The following KDM2A variants were observed in gnomAD, a reference collection of about 807,000 sequenced individuals.
KDM2A encodes lysine demethylase 2A.
A neutral mutation model predicts 137.3 loss-of-function variants in KDM2A; 3 were observed. The ratio of observed to expected loss-of-function variants is 0.02; its 90% CI spans 0.01 to 0.06. The LOEUF is 0.06. Among genes scored for constraint, KDM2A ranks in the 10% least tolerant of loss-of-function variants. KDM2A has a pLI of 1.00. For missense variants in KDM2A, 738 were observed against 1,510.6 expected (o/e 0.49, Z 8.48); for synonymous variants, 512 against 541.5 (o/e 0.95, Z 0.76).
At chr11:67,253,431 T>G (rs776684691) in intron 18 of KDM2A, 22 bp from the exon 19 acceptor site, 1 of 1,607,590 alleles carries the variant, frequency 6.2e-7, no homozygotes, top group African/African-American at 1.3e-5. Context: ...TATTATTACA[T>G]GTCTCATTCC....
At chr11:67,230,815 T>C (rs1285284850) in intron 11 of KDM2A, among the ~76,000 whole-genome samples, 2 of 152,184 alleles carry the variant, frequency 1.3e-5, no homozygotes, top group Non-Finnish European at 2.9e-5. Context: ...TGGTGAACAT[T>C]TATCACTGTG....
At chr11:67,192,268 A>G (rs1288105804) in intron 5 of KDM2A, among the ~76,000 whole-genome samples, 7 of 152,170 alleles carry the variant, frequency 4.6e-5, no homozygotes, top group Non-Finnish European at 4.4e-5. Flanking sequence ...ATTGCTTTGC[A>G]TGTTTTTAAA....
At chr11:67,240,888 A>C (rs1177923248) in intron 12 of KDM2A, among the ~76,000 whole-genome samples, 1 of 152,190 alleles carries the variant, frequency 6.6e-6, no homozygotes, top group African/African-American at 2.4e-5. Context: ...CACATACCCC[A>C]GTAACTGAGT....
intron 8 of KDM2A, among the ~76,000 whole-genome samples, chr11:67,216,877 G>A (rs868176131): frequency 2.0e-5 from 3 of 151,696 alleles, no homozygotes; most frequent in Non-Finnish European, 2.9e-5. Context: ...CTGAGATCGC[G>A]CCATTGCACT....
intron 2 of KDM2A, among the ~76,000 whole-genome samples, chr11:67,173,549 G>A (rs1325636984): frequency 6.6e-6 from 1 of 151,808 alleles, no homozygotes; most frequent in Non-Finnish European, 1.5e-5. Context: ...GAGCCACCAT[G>A]CCCAGCCAGT....
At chr11:67,141,149 C>T (rs1856089386) in intron 2 of KDM2A, among the ~76,000 whole-genome samples, 2 of 152,186 alleles carry the variant, frequency 1.3e-5, no homozygotes, top group African/African-American at 4.8e-5. Flanking sequence ...TTTTGGGGAA[C>T]ACAAGCATCT....
intron 2 of KDM2A, among the ~76,000 whole-genome samples, chr11:67,128,055 C>A (rs1384082337): frequency 1.4e-5 from 2 of 143,650 alleles, no homozygotes; most frequent in Non-Finnish European, 3.0e-5. Context: ...TGCTCTGTTG[C>A]CCAGGCCGGA....
intron 5 of KDM2A, among the ~76,000 whole-genome samples, chr11:67,194,853 A>G (rs376702693): frequency 2.0e-5 from 3 of 152,164 alleles, no homozygotes; most frequent in South Asian, 2.1e-4. Context: ...CTAAGATTCA[A>G]CATTCATGAA....
At chr11:67,131,246 C>A (rs1855847386) in intron 2 of KDM2A, among the ~76,000 whole-genome samples, 2 of 151,556 alleles carry the variant, frequency 1.3e-5, no homozygotes, top group African/African-American at 4.8e-5. Flanking sequence ...ATCGCCTGAA[C>A]CTGGGAGGTG....
At position 67,119,597 on chromosome 11, in the gene KDM2A, C is replaced by T. The variant is rs529015990; in HGVS notation, c.-536C>T. The T allele has an allele frequency of 6.7e-6, 1 of 150,078 alleles. No individual in the cohort carries two copies. Among genetic ancestry groups the T allele is most frequent in the Non-Finnish European group, 1.5e-5 (1 of 67,268 alleles). 9.3% of individuals were successfully genotyped at this position (150,078 alleles called of 1,614,324 possible). A position where few individuals can be genotyped will look rare whatever the true frequency, so the allele number is the denominator to read the frequency against. Reference sequence around the variant, plus strand: ...CGCCGCGCCGCTCCCGCCCTGTCCGCCCCCCGGGGCCGGGGCCCGCGTTCC... The same window carrying T: ...CGCCGCGCCGCTCCCGCCCTGTCCGTCCCCCGGGGCCGGGGCCCGCGTTCC... On this transcript the variant is annotated 5_prime_UTR_variant, in exon 1 of 21. Transcript: ENST00000529006.
In KDM2A at chr11:67,149,203, C is replaced by G. The variant is rs915688053; in HGVS notation, c.42+27845C>G. ...TGTTCCCTTAGTGTAGGGCTATAAC[C>G]TGGTTTTGGTGGAGTCCCTTCCAGG... On this transcript the variant is annotated intron_variant, in intron 2 of 20. Coordinates refer to ENST00000529006, the MANE Select transcript of KDM2A (RefSeq NM_012308.3). 14 of 152,044 alleles carry G rather than the reference C, an allele frequency of 9.2e-5. 2 individuals carry two copies. The highest frequency in any genetic ancestry group is 7.9e-4 in the Admixed American group (12 of 15,264). 9.4% of individuals were successfully genotyped at this position (152,044 alleles called of 1,614,324 possible).
rs760880832 is a variant in KDM2A at position 67,180,030 on chromosome 11, A to T, written c.43-49A>T. 8 of 1,570,656 alleles carry T rather than the reference A, an allele frequency of 5.1e-6. No individual in the cohort carries two copies. The South Asian group carries it at 5.9e-5, about 12-fold the overall frequency. On this transcript the variant is annotated intron_variant, in intron 2 of 20. Coordinates refer to ENST00000529006, the MANE Select transcript of KDM2A (RefSeq NM_012308.3). ...GGGAAATCTATGACCACTTGTAGGTAGGCATGAAAAAGTGCATGATTTCAT... is the reference window on the plus strand; with the variant it reads ...GGGAAATCTATGACCACTTGTAGGTTGGCATGAAAAAGTGCATGATTTCAT...
chr11:67,216,966 C>T (rs1186917951), intron 8 of KDM2A, among the ~76,000 whole-genome samples: 15 of 151,734 alleles, frequency 9.9e-5, no homozygotes, highest in Middle Eastern at 3.2e-3. Flanking sequence ...AGGTCTTGTC[C>T]GGGCACAGTG....
intron 2 of KDM2A, among the ~76,000 whole-genome samples, chr11:67,141,118 G>A (rs1024517908): frequency 6.6e-6 from 1 of 151,974 alleles, no homozygotes; most frequent in African/African-American, 2.4e-5. Flanking sequence ...GAAAATATTA[G>A]GAACTCTCCT....
At chr11:67,147,131 A>G (rs1199419373) in intron 2 of KDM2A, among the ~76,000 whole-genome samples, 1 of 152,160 alleles carries the variant, frequency 6.6e-6, no homozygotes, top group East Asian at 1.9e-4. Context: ...CATCAACTTA[A>G]AAATGAACAC....
At chr11:67,235,856 G>T (rs71457764) in intron 12 of KDM2A, among the ~76,000 whole-genome samples, 1 of 151,634 alleles carries the variant, frequency 6.6e-6, no homozygotes, top group Non-Finnish European at 1.5e-5. Flanking sequence ...CTGACCTTGC[G>T]ATCCACCTGC....
At chr11:67,135,064 TTTC>T (rs1405525437) in intron 2 of KDM2A, among the ~76,000 whole-genome samples, 65 of 152,112 alleles carry the variant, frequency 4.3e-4, no homozygotes, top group Admixed American at 4.2e-3. Context: ...CAGATAAGAT[TTTC>T]TTTTTTTTTT....
At position 67,256,314 on chromosome 11, in the gene KDM2A, A is replaced by T. The variant is rs1412940288; in HGVS notation, c.*1259A>T. On this transcript the variant is annotated 3_prime_UTR_variant, in exon 21 of 21. Coordinates refer to ENST00000529006, the MANE Select transcript of KDM2A (RefSeq NM_012308.3). ...TTTGCATTGAACGGCCTGTCCAAAG[A>T]TCCTCTCTCTAGGGCAGCAGAGAGC... The T allele has an allele frequency of 2.0e-5, 3 of 152,392 alleles. No homozygotes were observed. Among genetic ancestry groups the T allele is most frequent in the Non-Finnish European group, 4.4e-5 (3 of 68,006 alleles). The allele number at this position is 152,392 out of a possible 1,614,324, so 9.4% of individuals were successfully genotyped here.
Position 67,199,296 on chromosome 11 carries a change from G to A in KDM2A, c.308-8214G>A, listed in dbSNP as rs1044649716. Among the ~76,000 whole-genome samples, 6 of 152,276 alleles carry A rather than the reference G, an allele frequency of 3.9e-5. No individual in the cohort carries two copies. In the South Asian group the frequency reaches 1.2e-3, roughly 32 times the overall value. On this transcript the variant is annotated intron_variant, in intron 5 of 20. Coordinates refer to ENST00000529006, the MANE Select transcript of KDM2A (RefSeq NM_012308.3). ...AACACATGGCCTCTTAAGTGTTCAA[G>A]TGAAAGGAAGAGTCCCACCTCTCTC...
Sources: allele counts gnomAD v4.1 joint callset (sites outside exome capture counted in the v4.1 genomes callset), GRCh38; gene constraint gnomAD v4.1.1; transcripts MANE v1.5; gene names NCBI Gene and HGNC (gene_info 2026-07-23, HGNC 2026-07-21).